The following FXYD5 variants were observed in gnomAD, a reference collection of about 807,000 sequenced individuals.
FXYD5 encodes FXYD domain-containing ion transport regulator 5.
A neutral mutation model predicts 25.7 loss-of-function variants in FXYD5; 21 were observed. That is an observed-to-expected ratio of 0.82 (90% CI 0.58 to 1.18). The LOEUF (loss-of-function observed/expected upper bound fraction) is 1.18. Ranked by LOEUF, FXYD5 falls within the 50% of genes most tolerant of loss-of-function variation. The probability of loss-of-function intolerance (pLI) is 0.00; values close to 1 mark genes in which losing one functional copy is unlikely to be tolerated. For synonymous variants in FXYD5, 101 were observed against 90.7 expected, an observed-to-expected ratio of 1.11 and a Z score of -0.64; for missense variants, 229 against 227.7, an observed-to-expected ratio of 1.01 and a Z score of -0.04.
chr19:35,163,784 A>G (rs2065426553), intron 5 of FXYD5, among the ~76,000 whole-genome samples: 1 of 152,102 alleles, frequency 6.6e-6, no homozygotes, highest in Non-Finnish European at 1.5e-5. Context: ...CACCCAGCCA[A>G]TATTCAGAAT....
intron 5 of FXYD5, 112 bp from the exon 6 acceptor site, chr19:35,164,044 G>C: frequency 6.4e-7 from 1 of 1,569,946 alleles, no homozygotes; most frequent in Non-Finnish European, 8.6e-7. Context: ...CTGCACACCA[G>C]CTGTGTAGAT....
chr19:35,159,512 C>T (rs546644938), intron 4 of FXYD5: 2 of 1,550,192 alleles, frequency 1.3e-6, no homozygotes, highest in African/African-American at 2.7e-5. Context: ...TGGTATTCCA[C>T]AAGGCGCCTA....
At chr19:35,161,767 C>T (rs1266136491) in intron 5 of FXYD5, among the ~76,000 whole-genome samples, 1 of 152,240 alleles carries the variant, frequency 6.6e-6, no homozygotes, top group Non-Finnish European at 1.5e-5. Flanking sequence ...CGTGATGATC[C>T]TTATTTGAGG....
chr19:35,164,301 T>G (rs2065432445), intron 6 of FXYD5, 56 bp downstream of exon 6: 1 of 1,533,280 alleles, frequency 6.5e-7, no homozygotes, highest in Middle Eastern at 1.7e-4. Flanking sequence ...ACTGTGTATT[T>G]CCAGCACCTG....
intron 4 of FXYD5, chr19:35,159,855 G>C: frequency 1.7e-6 from 1 of 574,686 alleles, no homozygotes; most frequent in Non-Finnish European, 2.9e-6. Context: ...ACCAGAGCCT[G>C]TGCTTTTATC....
rs1489278810 is a variant in FXYD5, at chr19:35,155,625, C to T, written c.61+14C>T. On this transcript the variant is annotated intron_variant, in intron 2 of 8. Transcript: ENST00000392219. The stretch of plus-strand genomic sequence containing the variant: ...TCCCCACCAGAGGTAAGACCCATCT[C>T]TGGCCTCCACCCTGCCCCAGAGCCC... 1 of 1,593,388 alleles carries T rather than the reference C, an allele frequency of 6.3e-7. No individual in the cohort carries two copies. The highest frequency in any genetic ancestry group is 8.6e-7 in the Non-Finnish European group (1 of 1,165,740).
chr19:35,166,509 A>G, intron 8 of FXYD5, 184 bp downstream of exon 8: 1 of 509,710 alleles, frequency 2.0e-6, no homozygotes, highest in Non-Finnish European at 3.4e-6. Context: ...AGCTCTCAAT[A>G]CCACAGTTTG....
intron 8 of FXYD5, 26 bp from the exon 9 acceptor site, chr19:35,169,540 G>A (rs1173291593): frequency 1.3e-6 from 2 of 1,567,732 alleles, no homozygotes. Flanking sequence ...TCTAGCTCGT[G>A]ACTGAATCAT....
chr19:35,156,183 A>T (rs1241610228), intron 2 of FXYD5, among the ~76,000 whole-genome samples: 1 of 152,220 alleles, frequency 6.6e-6, no homozygotes, highest in Non-Finnish European at 1.5e-5. Context: ...ACTGAGGCTC[A>T]GCGAAGGGAA....
chr19:35,165,739 A>G (rs2065444604), intron 6 of FXYD5, among the ~76,000 whole-genome samples: 1 of 152,038 alleles, frequency 6.6e-6, no homozygotes, highest in Non-Finnish European at 1.5e-5. Flanking sequence ...AGATTTGGGG[A>G]CATTTTGGAT....
intron 4 of FXYD5, 74 bp from the exon 5 acceptor site, chr19:35,160,635 C>T (rs1008370913): frequency 3.2e-5 from 33 of 1,026,378 alleles, no homozygotes; most frequent in African/African-American, 1.6e-4. Flanking sequence ...CATAAGCCAC[C>T]GCGCCCGGCC....
In FXYD5 at chr19:35,166,639, C is replaced by A. The variant is rs1298593843; in HGVS notation, c.487+314C>A. ...TTTCTGGGGTGCCTTGGCTCTTTGC[C>A]ACATCATCTTATCCTTCACTAAGCT... On this transcript the variant is annotated intron_variant, in intron 8 of 8. Coordinates refer to ENST00000392219, the MANE Select transcript of FXYD5 (RefSeq NM_014164.6). The A allele has an allele frequency of 1.6e-5, 7 of 437,070 alleles. No homozygotes were observed. In the East Asian group the frequency reaches 1.8e-4, roughly 11 times the overall value. The allele number at this position is 437,070 out of a possible 1,614,324, so 27.1% of individuals were successfully genotyped here.
chr19:35,165,592 G>A (rs978838176), intron 6 of FXYD5, among the ~76,000 whole-genome samples: 7 of 151,848 alleles, frequency 4.6e-5, no homozygotes, highest in South Asian at 2.1e-4. Context: ...ATCTCGTGCC[G>A]ACCTCCTATC....
chr19:35,163,116 G>A (rs879714894), intron 5 of FXYD5, among the ~76,000 whole-genome samples: 2 of 152,242 alleles, frequency 1.3e-5, no homozygotes, highest in Non-Finnish European at 2.9e-5. Flanking sequence ...AGTCCAGACT[G>A]TCTCACCCCA....
chr19:35,157,599 A>G, intron 3 of FXYD5, 98 bp downstream of exon 3: 1 of 697,104 alleles, frequency 1.4e-6, no homozygotes. Context: ...TTATGGATTT[A>G]TGTAACGAAA....
chr19:35,157,174 A>G (rs993139221), intron 2 of FXYD5, among the ~76,000 whole-genome samples: 3 of 152,136 alleles, frequency 2.0e-5, no homozygotes, highest in African/African-American at 7.2e-5. Flanking sequence ...TCACCCTAGC[A>G]CCTGGGCTCA....
Position 35,166,256 on chromosome 19 carries a change from C to A in FXYD5, c.418C>A (p.His140Asn), listed in dbSNP as rs200190054. ...HEDDPFFYDE[H>N]TLRKRGLLVA... ...CTTCATTTTTCTCTCTGCAGATGAACACACCCTCCGGAAACGGGGGCTGTT... is the reference window on the plus strand; with the variant it reads ...CTTCATTTTTCTCTCTGCAGATGAAAACACCCTCCGGAAACGGGGGCTGTT... The change falls in exon 8 of 9, where the codon CAC (histidine) becomes AAC (asparagine). Residue 140 changes from histidine (H) to asparagine (N), a missense_variant. By Grantham distance (68) the His-to-Asn change is moderately conservative. Transcript: ENST00000392219. 25 of 1,612,158 alleles carry A rather than the reference C, an allele frequency of 1.6e-5. No individual in the cohort carries two copies. Among genetic ancestry groups the A allele is most frequent in the Non-Finnish European group, 2.1e-5 (25 of 1,178,506 alleles).
At chr19:35,162,998 G>C (rs111449283) in intron 5 of FXYD5, among the ~76,000 whole-genome samples, 2 of 152,326 alleles carry the variant, frequency 1.3e-5, no homozygotes, top group African/African-American at 4.8e-5. Context: ...CATCCTGTGT[G>C]GTGGGAACTG....
intron 2 of FXYD5, chr19:35,156,976 T>TCGCCGTATCATTAAAAAA (rs1268175392): frequency 6.0e-6 from 1 of 168,026 alleles, no homozygotes; most frequent in Non-Finnish European, 1.3e-5. Context: ...GACCACATGG[T>TCGCCGTATCATTAAAAAA]AAGCCGTGTG....
Sources: allele counts gnomAD v4.1 joint callset (sites outside exome capture counted in the v4.1 genomes callset), GRCh38; gene constraint gnomAD v4.1.1; transcripts MANE v1.5; gene names NCBI Gene and HGNC (gene_info 2026-07-23, HGNC 2026-07-21).